The following ASTN2 variants were observed in gnomAD, a reference collection of about 807,000 sequenced individuals.
ASTN2 encodes the protein astrotactin-2.
Under a neutral mutation model 139.8 loss-of-function variants are expected in ASTN2, and 54 were observed. That is an observed-to-expected ratio of 0.39 (90% CI 0.31 to 0.48). The LOEUF is 0.48. ASTN2 is among the 20% of genes least tolerant of loss of function. The probability of loss-of-function intolerance (pLI) is 0.95; values close to 1 mark genes in which losing one functional copy is unlikely to be tolerated. For synonymous variants in ASTN2, 756 were observed against 719.5 expected, an observed-to-expected ratio of 1.05 and a Z score of -0.81; for missense variants, 1,565 against 1,725.1, an observed-to-expected ratio of 0.91 and a Z score of 1.64.
At chr9:117,191,432 G>A (rs1588058460) in intron 3 of ASTN2, among the ~76,000 whole-genome samples, 1 of 152,028 alleles carries the variant, frequency 6.6e-6, no homozygotes, top group African/African-American at 2.4e-5. Context: ...GCTATTCAAT[G>A]GGGCATACAA....
At chr9:117,213,976 G>C (rs1448578980) in intron 3 of ASTN2, among the ~76,000 whole-genome samples, 1 of 152,184 alleles carries the variant, frequency 6.6e-6, no homozygotes, top group African/African-American at 2.4e-5. Context: ...ATGGGGGACC[G>C]TGAACACAGA....
At chr9:117,179,304 CAT>C (rs1446504424) in intron 3 of ASTN2, among the ~76,000 whole-genome samples, 1 of 151,974 alleles carries the variant, frequency 6.6e-6, no homozygotes, top group African/African-American at 2.4e-5. Context: ...CTGATATATA[CAT>C]ATTTTCACAT....
At chr9:116,584,292 G>C (rs1256186529) in intron 19 of ASTN2, 4 of 151,518 alleles carry the variant, frequency 2.6e-5, no homozygotes, top group Admixed American at 2.0e-4. Flanking sequence ...GGACCATGGG[G>C]GTGAAGACAG....
chr9:117,257,753 G>A (rs55944059), intron 2 of ASTN2, among the ~76,000 whole-genome samples: 1 of 152,180 alleles, frequency 6.6e-6, no homozygotes, highest in Non-Finnish European at 1.5e-5. Context: ...CCACAACATA[G>A]GAGAAATGAG....
At chr9:117,040,013 A>G in intron 5 of ASTN2, 48 bp from the exon 6 acceptor site, 1 of 1,537,814 alleles carries the variant, frequency 6.5e-7, no homozygotes, top group Non-Finnish European at 8.8e-7. Context: ...TGAGGTGAGG[A>G]AATGGGATTG....
chr9:117,312,833 T>C (rs1828019570), intron 1 of ASTN2, among the ~76,000 whole-genome samples: 1 of 152,104 alleles, frequency 6.6e-6, no homozygotes, highest in African/African-American at 2.4e-5. Context: ...ATAAGGCCTT[T>C]CCATTTTGGA....
intron 19 of ASTN2, among the ~76,000 whole-genome samples, chr9:116,597,299 A>ATTTTTTTTTT (rs757848093): frequency 0.023 from 1,727 of 74,634 alleles, 233 homozygotes; most frequent in East Asian, 0.031. Flanking sequence ...CTTTTGATCT[A>ATTTTTTTTTT]TTTTTTTTTT....
Position 116,848,704 on chromosome 9 carries a change from C to G in ASTN2, c.2040+14879G>C, listed in dbSNP as rs116016749. Among the ~76,000 whole-genome samples, 919 of 152,292 alleles carry G rather than the reference C, an allele frequency of 6.0e-3. 8 individuals carry two copies. Among genetic ancestry groups the G allele is most frequent in the African/African-American group, 0.021 (865 of 41,556 alleles). The stretch of plus-strand genomic sequence containing the variant: ...CTGTGATACCCTCTCACCACACAAT[C>G]AACACAGAACACTTCTGTGACCTCT... On this transcript the variant is annotated intron_variant, in intron 11 of 22. Coordinates refer to ENST00000313400, the MANE Select transcript of ASTN2 (RefSeq NM_001365068.1).
At chr9:116,642,212 C>G (rs1857378326) in intron 17 of ASTN2, among the ~76,000 whole-genome samples, 1 of 150,318 alleles carries the variant, frequency 6.7e-6, no homozygotes, top group Non-Finnish European at 1.5e-5. Context: ...TTCCCCCATT[C>G]TCACCTTAAG....
intron 11 of ASTN2, among the ~76,000 whole-genome samples, chr9:116,840,412 G>C (rs1832178297): frequency 6.7e-6 from 1 of 148,934 alleles, no homozygotes; most frequent in Non-Finnish European, 1.5e-5. Flanking sequence ...AGACGGGGTG[G>C]TGGCCAGGCA....
chr9:116,559,687 T>A (rs1252623754), intron 19 of ASTN2, among the ~76,000 whole-genome samples: 1 of 152,208 alleles, frequency 6.6e-6, no homozygotes, highest in South Asian at 2.1e-4. Context: ...GATAAGGACC[T>A]TTAGTACTAA....
rs556687077 is a variant in ASTN2 at position 116,488,490 on chromosome 9, G to A, written c.3356-990C>T. The stretch of plus-strand genomic sequence containing the variant: ...AAATTAAGTTATAAGGATAAACATC[G>A]CAGTACTATTTATACTAGCAAGAAT... On this transcript the variant is annotated intron_variant, in intron 19 of 22. Coordinates refer to ENST00000313400, the MANE Select transcript of ASTN2 (RefSeq NM_001365068.1). Among the ~76,000 whole-genome samples, 10 of 152,134 alleles carry A rather than the reference G, an allele frequency of 6.6e-5. No homozygotes were observed. The East Asian group carries it at 1.2e-3, about 18-fold the overall frequency.
At position 116,787,011 on chromosome 9, in the gene ASTN2, C is replaced by T. The variant is rs547791646; in HGVS notation, c.2396+18621G>A. On this transcript the variant is annotated intron_variant, in intron 13 of 22. Coordinates refer to ENST00000313400, the MANE Select transcript of ASTN2 (RefSeq NM_001365068.1). The stretch of plus-strand genomic sequence containing the variant: ...TGCTGCCCTGTGAAGACGTAGCTTC[C>T]GCCATGACTGTAAGTTTCTTAAGGC... 4.6e-5 allele frequency among the ~76,000 whole-genome samples: 7 copies of T among 152,322 alleles called. No homozygotes were observed. The East Asian group carries it at 7.7e-4, about 17-fold the overall frequency.
chr9:116,894,774 T>C (rs576364368), intron 10 of ASTN2, among the ~76,000 whole-genome samples: 1 of 152,222 alleles, frequency 6.6e-6, no homozygotes, highest in East Asian at 1.9e-4. Flanking sequence ...AGTAAAGAAG[T>C]TCAGAGAGGG....
intron 4 of ASTN2, among the ~76,000 whole-genome samples, chr9:117,108,329 G>A (rs1422591227): frequency 2.6e-5 from 4 of 152,050 alleles, no homozygotes; most frequent in African/African-American, 9.7e-5. Flanking sequence ...ACATCAGACT[G>A]TGAATGAAAA....
intron 19 of ASTN2, among the ~76,000 whole-genome samples, chr9:116,591,996 C>T (rs1391573892): frequency 6.6e-6 from 1 of 152,138 alleles, no homozygotes; most frequent in Non-Finnish European, 1.5e-5. Context: ...GGAATTGGTT[C>T]CAGGTACCCC....
rs374771170 is a variant in ASTN2 at position 116,643,349 on chromosome 9, A to C, written c.3072+8179T>G. 4.6e-5 allele frequency among the ~76,000 whole-genome samples: 7 copies of C among 152,316 alleles called. No homozygotes were observed. In the East Asian group the frequency reaches 5.8e-4, roughly 13 times the overall value. ...TTTCCTGTAAAGGACTAGAAAGTAA[A>C]CACTTTGAGCTTTGCACCCCATACT... is the stretch of plus-strand genomic sequence containing the variant. On this transcript the variant is annotated intron_variant, in intron 17 of 22. Coordinates refer to ENST00000313400, the MANE Select transcript of ASTN2 (RefSeq NM_001365068.1).
Position 117,104,644 on chromosome 9 carries a change from T to C in ASTN2, c.1169-8493A>G, listed in dbSNP as rs190467715. On this transcript the variant is annotated intron_variant, in intron 4 of 22. Coordinates refer to ENST00000313400, the MANE Select transcript of ASTN2 (RefSeq NM_001365068.1). ...TAAATACACACATGCAAAAACATATTGAAGGAAACATATTAAGGTGTTACG... is the reference window on the plus strand; with the variant it reads ...TAAATACACACATGCAAAAACATATCGAAGGAAACATATTAAGGTGTTACG... Among the ~76,000 whole-genome samples the C allele has an allele frequency of 1.4e-3, 210 of 152,306 alleles. 2 individuals carry two copies. Among genetic ancestry groups the C allele is most frequent in the African/African-American group, 4.8e-3 (200 of 41,564 alleles).
At chr9:116,557,835 T>G (rs1852711619) in intron 19 of ASTN2, among the ~76,000 whole-genome samples, 1 of 152,196 alleles carries the variant, frequency 6.6e-6, no homozygotes, top group South Asian at 2.1e-4. Context: ...AAATAAAACT[T>G]CATAACAAAC....
Sources: allele counts gnomAD v4.1 joint callset (sites outside exome capture counted in the v4.1 genomes callset), GRCh38; gene constraint gnomAD v4.1.1; transcripts MANE v1.5; gene names NCBI Gene and HGNC (gene_info 2026-07-23, HGNC 2026-07-21).